Variants in ARHGEF12 observed in about 807,000 individuals in gnomAD.
ARHGEF12 encodes Rho guanine nucleotide exchange factor 12, also known as KMT2A/ARHGEF12 fusion protein.
A neutral mutation model predicts 211.2 loss-of-function variants in ARHGEF12; 66 were observed. The observed-to-expected ratio is 0.31, with a 90% CI of 0.26 to 0.38. ARHGEF12 has a LOEUF of 0.38. ARHGEF12 is among the 10% of genes least tolerant of loss of function. The pLI is 1.00. For synonymous variants in ARHGEF12, 592 were observed against 638.4 expected (o/e 0.93, Z 1.09); for missense variants, 1,429 against 1,869.5 (o/e 0.76, Z 4.34).
chr11:120,449,755 C>A (rs1392394098), intron 21 of ARHGEF12: 1 of 150,988 alleles, frequency 6.6e-6, no homozygotes, highest in East Asian at 1.9e-4. Flanking sequence ...TCTTTAGTGG[C>A]AGTATTCTGT....
At chr11:120,447,266 C>T in intron 18 of ARHGEF12, 181 bp downstream of exon 18, 2 of 569,142 alleles carry the variant, frequency 3.5e-6, no homozygotes, top group Admixed American at 4.0e-5. Context: ...AGATAAATTT[C>T]TTGTGTTCCT....
chr11:120,445,404 G>C lies in ARHGEF12; in HGVS notation c.1303-18G>C. The C allele has an allele frequency of 6.2e-7, 1 of 1,613,828 alleles. No homozygotes were observed. Among genetic ancestry groups the C allele is most frequent in the South Asian group, 1.1e-5 (1 of 91,074 alleles). Reference sequence around the variant, plus strand: ...TATCTTTAGCGTTGTTACACCTTTTGTTTGCATTTCATTTTAGCACCTGAA... The same window carrying C: ...TATCTTTAGCGTTGTTACACCTTTTCTTTGCATTTCATTTTAGCACCTGAA... On this transcript the variant is annotated intron_variant, in intron 15 of 40. Transcript: ENST00000397843.
chr11:120,457,469 T>TA (rs1946397383), intron 23 of ARHGEF12: 1 of 447,882 alleles, frequency 2.2e-6, no homozygotes, highest in African/African-American at 2.0e-5. Flanking sequence ...CTTCAAACTG[T>TA]AAAAAATAAA....
chr11:120,432,798 G>T (rs1284295686), intron 11 of ARHGEF12, among the ~76,000 whole-genome samples: 2 of 152,094 alleles, frequency 1.3e-5, no homozygotes, highest in Non-Finnish European at 2.9e-5. Flanking sequence ...GTTTTGTTTT[G>T]TTGTTTTTTA....
At chr11:120,347,155 C>CTTTCTTTCTTTTT (rs1165675932) in intron 1 of ARHGEF12, among the ~76,000 whole-genome samples, 1 of 69,170 alleles carries the variant, frequency 1.4e-5, no homozygotes. Flanking sequence ...TTCCTTCCTT[C>CTTTCTTTCTTTTT]CTTCCTTCCT....
At position 120,448,323 on chromosome 11, in the gene ARHGEF12, G is replaced by A; in HGVS notation, c.1712G>A (p.Arg571Gln). The A allele has an allele frequency of 2.5e-6, 4 of 1,614,024 alleles. No individual in the cohort carries two copies. Among genetic ancestry groups the A allele is most frequent in the East Asian group, 2.2e-5 (1 of 44,852 alleles). ...CGAAATTTGGAGCACAAACGGGGTC[G>A]GATTGGATTTCTTCCCAAAATCAAG... ...EPRNLEHKRG[R>Q]IGFLPKIKQS... The change falls in exon 20 of 41, where the codon CGG becomes CAG. Residue 571 changes from arginine to glutamine, a missense_variant. Physicochemically the swap from Arg to Gln is conservative, Grantham distance 43 (BLOSUM62 1). Coordinates refer to ENST00000397843, the MANE Select transcript of ARHGEF12 (RefSeq NM_015313.3).
chr11:120,409,699 G>T (rs529445639), intron 4 of ARHGEF12: 2 of 371,346 alleles, frequency 5.4e-6, no homozygotes, highest in African/African-American at 4.1e-5. Context: ...ATCTTCTCCC[G>T]TCTTGTTTAT....
chr11:120,461,013 T>TC (rs1244042348), intron 27 of ARHGEF12, among the ~76,000 whole-genome samples: 1 of 152,158 alleles, frequency 6.6e-6, no homozygotes, highest in Admixed American at 6.5e-5. Flanking sequence ...TCCACTGTAA[T>TC]CCTAGTTTTT....
rs1419676349 is a variant in ARHGEF12, at chr11:120,488,811, A to C, written c.*3734A>C. 1 of 208,982 alleles carries C rather than the reference A, an allele frequency of 4.8e-6. No homozygotes were observed. The highest frequency in any genetic ancestry group is 9.8e-6 in the Non-Finnish European group (1 of 102,556). The allele number at this position is 208,982 out of a possible 1,614,324, so 12.9% of individuals were successfully genotyped here. A position where few individuals can be genotyped will look rare whatever the true frequency, so the allele number is the denominator to read the frequency against. On this transcript the variant is annotated 3_prime_UTR_variant, in exon 41 of 41. Coordinates refer to ENST00000397843, the MANE Select transcript of ARHGEF12 (RefSeq NM_015313.3). Reference sequence around the variant, plus strand: ...CTGGAACTATCTTTAAAAAAACTTTATTAATAATCATGTATTTTTACTGAT... The same window carrying C: ...CTGGAACTATCTTTAAAAAAACTTTCTTAATAATCATGTATTTTTACTGAT...
At chr11:120,337,360 C>A in intron 1 of ARHGEF12, 85 bp downstream of exon 1, 6 of 1,599,832 alleles carry the variant, frequency 3.8e-6, no homozygotes, top group Non-Finnish European at 5.1e-6. Flanking sequence ...TTGCCTTTGG[C>A]CAGCGAAGTT....
chr11:120,390,201 C>A (rs1037224144), intron 1 of ARHGEF12, among the ~76,000 whole-genome samples: 2 of 152,178 alleles, frequency 1.3e-5, no homozygotes, highest in Non-Finnish European at 2.9e-5. Flanking sequence ...TTAGGGAAAT[C>A]CGTTTCCTGG....
At chr11:120,420,063 C>G (rs1945138768) in intron 4 of ARHGEF12, among the ~76,000 whole-genome samples, 1 of 152,184 alleles carries the variant, frequency 6.6e-6, no homozygotes, top group Non-Finnish European at 1.5e-5. Flanking sequence ...CACAAATTCT[C>G]CCTTAGGAAT....
In ARHGEF12 at chr11:120,420,784, A is replaced by G; in HGVS notation, c.231A>G (p.Lys77=). The G allele has an allele frequency of 6.2e-7, 1 of 1,614,152 alleles. No individual in the cohort carries two copies. The highest frequency in any genetic ancestry group is 8.5e-7 in the Non-Finnish European group (1 of 1,179,990). Residue 77 remains lysine (K), a synonymous_variant, in exon 5 of 41, where the codon AAA becomes AAG. Coordinates refer to ENST00000397843, the MANE Select transcript of ARHGEF12 (RefSeq NM_015313.3). ...GLVQRCVIIQ[K]DDNGFGLTVS... is the part of the protein sequence containing the mutation. ...TTCAGCGTTGCGTAATCATCCAGAAAGATGACAATGGATTTGGGCTGACGG... is the reference window on the plus strand; with the variant it reads ...TTCAGCGTTGCGTAATCATCCAGAAGGATGACAATGGATTTGGGCTGACGG...
intron 1 of ARHGEF12, among the ~76,000 whole-genome samples, chr11:120,357,307 A>T (rs1286404379): frequency 6.6e-6 from 1 of 151,922 alleles, no homozygotes; most frequent in Non-Finnish European, 1.5e-5. Flanking sequence ...GCCTGCATGC[A>T]CTCTTAAACA....
At chr11:120,378,687 G>A (rs546961878) in intron 1 of ARHGEF12, among the ~76,000 whole-genome samples, 40 of 152,252 alleles carry the variant, frequency 2.6e-4, no homozygotes, top group East Asian at 3.9e-4. Context: ...AAGTTTGTGC[G>A]TGTTTTGGCA....
chr11:120,349,773 G>A (rs1942879031), intron 1 of ARHGEF12, among the ~76,000 whole-genome samples: 1 of 152,184 alleles, frequency 6.6e-6, no homozygotes, highest in African/African-American at 2.4e-5. Context: ...AATTAGCTAG[G>A]TTTTGCTAGA....
intron 1 of ARHGEF12, among the ~76,000 whole-genome samples, chr11:120,353,539 C>T (rs528251864): frequency 1.3e-5 from 2 of 152,288 alleles, no homozygotes; most frequent in East Asian, 1.9e-4. Context: ...TACAAGTCAC[C>T]TCCACAGCCT....
chr11:120,350,893 A>G (rs1396575143), intron 1 of ARHGEF12, among the ~76,000 whole-genome samples: 1 of 152,186 alleles, frequency 6.6e-6, no homozygotes, highest in East Asian at 1.9e-4. Flanking sequence ...CATCCAGTGA[A>G]AATGTGATAA....
chr11:120,431,254 C>T lies in ARHGEF12; in HGVS notation c.784-517C>T, dbSNP rs1169500507. Among the ~76,000 whole-genome samples, 4 of 152,112 alleles carry T rather than the reference C, an allele frequency of 2.6e-5. No individual in the cohort carries two copies. The East Asian group carries it at 7.7e-4, about 29-fold the overall frequency. ...ACAGTGAGCCGAGATCCTGCCACTA[C>T]ACTCCAGCCTGGGTGACAGAGCAAG... On this transcript the variant is annotated intron_variant, in intron 10 of 40. Transcript: ENST00000397843.
Sources: gnomAD v4.1 joint callset for allele counts (sites outside exome capture counted in the v4.1 genomes callset) on GRCh38, gnomAD v4.1.1 for gene constraint, MANE v1.5 for transcripts, NCBI Gene and HGNC (gene_info 2026-07-23, HGNC 2026-07-21) for gene names.